The following UBR4 variants were observed in gnomAD, a reference collection of about 807,000 sequenced individuals.
UBR4 encodes ubiquitin protein ligase E3 component n-recognin 4.
A neutral mutation model predicts 575.6 loss-of-function variants in UBR4; 124 were observed. The ratio of observed to expected loss-of-function variants is 0.22; its 90% confidence interval spans 0.19 to 0.25. UBR4 has a LOEUF of 0.25. UBR4 is among the 10% of genes least tolerant of loss of function. The pLI, the probability that UBR4 is intolerant of heterozygous loss-of-function variation, is 1.00. For synonymous variants in UBR4, 2,455 were observed against 2,473.7 expected, an observed-to-expected ratio of 0.99 and a Z score of 0.22; for missense variants, 4,818 against 6,478.8, an observed-to-expected ratio of 0.74 and a Z score of 8.80.
intron 20 of UBR4, among the ~76,000 whole-genome samples, chr1:19,176,235 G>A (rs1188108678): frequency 1.3e-5 from 2 of 152,130 alleles, no homozygotes; most frequent in East Asian, 3.9e-4. Flanking sequence ...TTACAGGTAG[G>A]CACCACCAAG....
chr1:19,095,069 G>C (rs1269588610), intron 93 of UBR4, 44 bp from the exon 94 acceptor site: 1 of 1,613,576 alleles, frequency 6.2e-7, no homozygotes, highest in Non-Finnish European at 8.5e-7. Context: ...TAAGACCACA[G>C]CCACTAACTG....
In UBR4 at chr1:19,093,931, G is replaced by C. The variant is rs757466739; in HGVS notation, c.13937+18C>G. ...AGTGGAGACTCTCATTTCACTATAT[G>C]AAATCAAAGTAACATACTTATCAAA... On this transcript the variant is annotated intron_variant, in intron 95 of 105. Transcript: ENST00000375254. The surrounding 1 kb of genome is among the most constrained non-coding windows in gnomAD (Gnocchi z 4.8). 6 of 1,603,658 alleles carry C rather than the reference G, an allele frequency of 3.7e-6. No individual in the cohort carries two copies. The highest frequency in any genetic ancestry group is 3.4e-5 in the Admixed American group (2 of 59,506).
Position 19,148,080 on chromosome 1 carries a change from G to C in UBR4, c.7542C>G (p.Ser2514=). 6.2e-7 allele frequency: 1 copy of C among 1,611,152 alleles called. No homozygotes were observed. The highest frequency in any genetic ancestry group is 8.5e-7 in the Non-Finnish European group (1 of 1,179,890). The change falls in exon 51 of 106, where the codon TCC becomes TCG. Residue 2514 remains serine (S), a synonymous_variant. Transcript: ENST00000375254. The part of the protein sequence containing the change: ...AAQELATLLL[S]LPAPASVQQQ... The stretch of plus-strand genomic sequence containing the variant: ...GCTGGACACTGGCAGGTGCTGGCAG[G>C]GACAACAGCAAAGTGGCCAGCTCCT...
chr1:19,179,455 A>G (rs1571521376), intron 17 of UBR4, among the ~76,000 whole-genome samples: 1 of 152,338 alleles, frequency 6.6e-6, no homozygotes, highest in East Asian at 1.9e-4. Context: ...ATAGTTAATG[A>G]GTGTCAGATA....
intron 17 of UBR4, among the ~76,000 whole-genome samples, chr1:19,181,156 G>C (rs1427268157): frequency 6.6e-6 from 1 of 152,150 alleles, no homozygotes; most frequent in Non-Finnish European, 1.5e-5. Flanking sequence ...GAGGTGGTAA[G>C]ATCACTTGGG....
At chr1:19,163,963 A>T (rs1450341382) in intron 33 of UBR4, 136 bp from the exon 34 acceptor site, 20 of 922,636 alleles carry the variant, frequency 2.2e-5, no homozygotes, top group Middle Eastern at 2.4e-4. Context: ...AAACTCCATA[A>T]GTACTATATA....
At chr1:19,190,651 A>T (rs767662653) in intron 11 of UBR4, among the ~76,000 whole-genome samples, 32 of 152,144 alleles carry the variant, frequency 2.1e-4, no homozygotes, top group Non-Finnish European at 2.8e-4. Flanking sequence ...AGTGACCTCA[A>T]GCCAAAAAAT....
chr1:19,186,595 G>T lies in UBR4; in HGVS notation c.1695C>A (p.Asp565Glu). 1.9e-6 allele frequency: 3 copies of T among 1,614,176 alleles called. No homozygotes were observed. Among genetic ancestry groups the T allele is most frequent in the Non-Finnish European group, 1.7e-6 (2 of 1,180,026 alleles). Residue 565 changes from aspartate (D) to glutamate (E), a missense_variant, in exon 14 of 106, where the codon GAC becomes GAA. By Grantham distance (45) the Asp-to-Glu change is conservative. Around this residue, in one of 29 missense-constraint regions of UBR4, gnomAD observed 162 missense variants for 216.4 expected, o/e 0.75. Coordinates refer to ENST00000375254, the MANE Select transcript of UBR4 (RefSeq NM_020765.3). ...SMSSDASASTDSNTYYEDDFS... is the reference protein window; with the variant it reads ...SMSSDASASTESNTYYEDDFS... The stretch of plus-strand genomic sequence containing the variant: ...AATCGTCCTCATAGTAAGTATTGGA[G>T]TCGGTGGAGGCGCTGGCATCGCTGC...
intron 100 of UBR4, 27 bp from the exon 101 acceptor site, chr1:19,086,297 G>T: frequency 6.8e-7 from 1 of 1,475,638 alleles, no homozygotes; most frequent in Non-Finnish European, 9.1e-7. Context: ...GCAGGGACAA[G>T]CGACTGCTGG....
rs918411205 is a variant in UBR4 at position 19,127,689 on chromosome 1, T to C, written c.9162A>G (p.Val3054=). The C allele has an allele frequency of 1.9e-6, 3 of 1,614,074 alleles. No homozygotes were observed. The highest frequency in any genetic ancestry group is 1.3e-5 in the African/African-American group (1 of 74,930). The change falls in exon 63 of 106, where the codon GTA becomes GTG. Residue 3054 remains valine (V), a synonymous_variant. Transcript: ENST00000375254. ...ERSALNEVHL[V]VMRLLSVFMS... Reference sequence around the variant, plus strand: ...TGAAGACACTCAGGAGTCTCATTACTACCAGATGGACTTCATTCAGGGCGC... The same window carrying C: ...TGAAGACACTCAGGAGTCTCATTACCACCAGATGGACTTCATTCAGGGCGC...
In UBR4 at chr1:19,158,089, C is replaced by T. The variant is rs2086690165; in HGVS notation, c.5578-92G>A. 4.4e-6 allele frequency: 6 copies of T among 1,360,190 alleles called. No individual in the cohort carries two copies. The East Asian group carries it at 9.4e-5, about 21-fold the overall frequency. The allele number at this position is 1,360,190 out of a possible 1,614,324, so 84.3% of individuals were successfully genotyped here. A position where few individuals can be genotyped will look rare whatever the true frequency, so the allele number is the denominator to read the frequency against. On this transcript the variant is annotated intron_variant, in intron 39 of 105. Coordinates refer to ENST00000375254, the MANE Select transcript of UBR4 (RefSeq NM_020765.3). ...CTATTCATGTGCCTGAGACACTGCACAATTCAGTCATTCAAAAGCAGTGAT... is the reference window on the plus strand; with the variant it reads ...CTATTCATGTGCCTGAGACACTGCATAATTCAGTCATTCAAAAGCAGTGAT...
rs2150248445 is a variant in UBR4, at chr1:19,150,482, A to G, written c.7430+95T>C. The stretch of plus-strand genomic sequence containing the variant: ...AAAAAAATTCCAGGCTAGCCTTGAG[A>G]TGGTTATTAGAAGCTGGCTCTCTCA... On this transcript the variant is annotated intron_variant, in intron 49 of 105. Coordinates refer to ENST00000375254, the MANE Select transcript of UBR4 (RefSeq NM_020765.3). The G allele has an allele frequency of 2.9e-6, 4 of 1,382,028 alleles. No individual in the cohort carries two copies. The East Asian group carries it at 6.9e-5, about 24-fold the overall frequency. 85.6% of individuals were successfully genotyped at this position (1,382,028 alleles called of 1,614,324 possible). A position where few individuals can be genotyped will look rare whatever the true frequency, so the allele number is the denominator to read the frequency against.
intron 87 of UBR4, 137 bp from the exon 88 acceptor site, chr1:19,101,778 A>G (rs1008742933): frequency 1.5e-5 from 20 of 1,364,748 alleles, no homozygotes; most frequent in Middle Eastern, 3.7e-4. Flanking sequence ...GGCAATATCA[A>G]TAGTTCAAAT....
At chr1:19,087,286 G>A (rs932004996) in intron 99 of UBR4, among the ~76,000 whole-genome samples, 2 of 152,264 alleles carry the variant, frequency 1.3e-5, no homozygotes, top group African/African-American at 4.8e-5. Context: ...CTGGAAAGAA[G>A]AGGCCACCTT....
Position 19,187,448 on chromosome 1 carries a change from A to C in UBR4, c.1487T>G (p.Leu496Arg), listed in dbSNP as rs1229141320. Reference sequence around the variant, plus strand: ...TGGGGATAACCTCCTCACCTTGTGAAGGGCCTCCACTTGTAGGTCTTGAAA... The same window carrying C: ...TGGGGATAACCTCCTCACCTTGTGACGGGCCTCCACTTGTAGGTCTTGAAA... ...SLFQDLQVEA[L>R]HKGWETDGPP... The change falls in exon 12 of 106, where the codon CTT (leucine) becomes CGT (arginine). Residue 496 changes from leucine to arginine, a missense_variant. By Grantham distance (102) the Leu-to-Arg change is moderately radical (BLOSUM62 -2). This residue lies in a region of UBR4 where 162 missense variants were observed against 216.4 expected (regional missense o/e 0.75). Transcript: ENST00000375254. 2 of 1,614,124 alleles carry C rather than the reference A, an allele frequency of 1.2e-6. No individual in the cohort carries two copies. Among genetic ancestry groups the C allele is most frequent in the Non-Finnish European group, 1.7e-6 (2 of 1,180,016 alleles).
Position 19,094,890 on chromosome 1 carries a change from G to GCCGAGC in UBR4, c.13746+10_13746+15dup, listed in dbSNP as rs761350968. 6.2e-7 allele frequency: 1 copy of GCCGAGC among 1,612,146 alleles called. No homozygotes were observed. Among genetic ancestry groups the GCCGAGC allele is most frequent in the East Asian group, 2.2e-5 (1 of 44,858 alleles). ...GCTCTCAGTGCCTGCAGATGGAGGG[G>GCCGAGC]CCGAGCCCCACTCACCTTGTCCTCA... On this transcript the variant is annotated intron_variant, in intron 94 of 105. Coordinates refer to ENST00000375254, the MANE Select transcript of UBR4 (RefSeq NM_020765.3).
intron 86 of UBR4, 137 bp downstream of exon 86, chr1:19,104,448 G>GA (rs1230112832): frequency 7.7e-5 from 91 of 1,184,766 alleles, no homozygotes; most frequent in East Asian, 1.3e-4. Flanking sequence ...TATCAATACA[G>GA]AAAAAAAATG....
At position 19,157,611 on chromosome 1, in the gene UBR4, T is replaced by C. The variant is rs2086632197; in HGVS notation, c.5760+204A>G. ...GAAATTTACTAATTAGGAACAGTCCTAGTCATACCAGCTCTAGGTCTAATC... is the reference window on the plus strand; with the variant it reads ...GAAATTTACTAATTAGGAACAGTCCCAGTCATACCAGCTCTAGGTCTAATC... On this transcript the variant is annotated intron_variant, in intron 40 of 105. Transcript: ENST00000375254. The surrounding 1 kb of genome is among the most constrained non-coding windows in gnomAD (Gnocchi z 4.4). Among the ~76,000 whole-genome samples the C allele has an allele frequency of 6.6e-6, 1 of 152,262 alleles. No homozygotes were observed. The highest frequency in any genetic ancestry group is 2.4e-5 in the African/African-American group (1 of 41,462).
In UBR4 at chr1:19,152,300, G is replaced by C. The variant is rs1025756570; in HGVS notation, c.6996+13C>G. ...CTACCCAGGGATTGATCCCAGCCCA[G>C]TGCCATTCTTACCTTGGTGTTGGCC... On this transcript the variant is annotated intron_variant, in intron 47 of 105. Coordinates refer to ENST00000375254, the MANE Select transcript of UBR4 (RefSeq NM_020765.3). The surrounding 1 kb of genome is among the most constrained non-coding windows in gnomAD (Gnocchi z 4.4). 5.6e-6 allele frequency: 9 copies of C among 1,613,724 alleles called. No homozygotes were observed. Among genetic ancestry groups the C allele is most frequent in the Non-Finnish European group, 6.8e-6 (8 of 1,179,686 alleles).
Sources: gnomAD v4.1 joint callset for allele counts (sites outside exome capture counted in the v4.1 genomes callset) on GRCh38, gnomAD v4.1.1 for gene constraint, gnomAD v4.1.1 regional missense constraint, Gnocchi (gnomAD v3.1) non-coding constraint, MANE v1.5 for transcripts, NCBI Gene and HGNC (gene_info 2026-07-23, HGNC 2026-07-21) for gene names.